CDH13: variants seen among roughly 807,000 people sequenced by gnomAD.
The protein encoded by CDH13 is cadherin 13.
Under a neutral mutation model 63.8 loss-of-function variants are expected in CDH13, and 24 were observed. The ratio of observed to expected loss-of-function variants is 0.38; its 90% CI spans 0.27 to 0.53. The LOEUF (loss-of-function observed/expected upper bound fraction) is 0.53, where lower values mean the gene tolerates loss of function less well. Among genes scored for constraint, CDH13 ranks in the 20% least tolerant of loss-of-function variants. The pLI is 0.85. For missense variants in CDH13, 1,049 were observed against 903.1 expected (o/e 1.16, Z -2.07); for synonymous variants, 503 against 355.3 (o/e 1.42, Z -4.67).
chr16:83,013,221 A>T (rs1264786795), intron 2 of CDH13, among the ~76,000 whole-genome samples: 1 of 152,252 alleles, frequency 6.6e-6, no homozygotes, highest in African/African-American at 2.4e-5. Context: ...AGCCATATAC[A>T]TGTAGGTGAA....
chr16:83,710,486 C>G (rs1183433161), intron 10 of CDH13: 1 of 152,104 alleles, frequency 6.6e-6, no homozygotes, highest in Non-Finnish European at 1.5e-5. Flanking sequence ...TTCTGCATTC[C>G]TCTTGGTGCC....
Position 83,095,493 on chromosome 16 carries a change from A to G in CDH13, c.367-29892A>G, listed in dbSNP as rs530605727. On this transcript the variant is annotated intron_variant, in intron 3 of 13. Coordinates refer to ENST00000567109, the MANE Select transcript of CDH13 (RefSeq NM_001257.5). ...TCACCCTGCTTTTGGACACTGGTAT[A>G]TCCTCTCAAAGGCATTAATAACTAT... Among the ~76,000 whole-genome samples, 13 of 152,344 alleles carry G rather than the reference A, an allele frequency of 8.5e-5. No homozygotes were observed. The South Asian group carries it at 1.0e-3, about 12-fold the overall frequency.
At position 83,268,120 on chromosome 16, in the gene CDH13, C is replaced by G. The variant is rs189562673; in HGVS notation, c.636+50623C>G. On this transcript the variant is annotated intron_variant, in intron 5 of 13. Coordinates refer to ENST00000567109, the MANE Select transcript of CDH13 (RefSeq NM_001257.5). ...TGCACCACTGACACATGGATATTAA[C>G]TCAGTGGTAGGACCAGAGTAAACCC... is the stretch of plus-strand genomic sequence containing the variant. Among the ~76,000 whole-genome samples, 110 of 152,270 alleles carry G rather than the reference C, an allele frequency of 7.2e-4. 1 individual carries two copies. Among genetic ancestry groups the G allele is most frequent in the Non-Finnish European group, 1.2e-3 (84 of 68,012 alleles).
rs139651807 is a variant in CDH13 at position 82,896,160 on chromosome 16, T to G, written c.157+37687T>G. The stretch of plus-strand genomic sequence containing the variant: ...TTTCCCTGTAGAAGTATAGGCTTCA[T>G]GGTGAGCAATAGCCTTATTTTCCTT... On this transcript the variant is annotated intron_variant, in intron 2 of 13. Coordinates refer to ENST00000567109, the MANE Select transcript of CDH13 (RefSeq NM_001257.5). Among the ~76,000 whole-genome samples, 3 of 152,258 alleles carry G rather than the reference T, an allele frequency of 2.0e-5. No individual in the cohort carries two copies. In the East Asian group the frequency reaches 5.8e-4, roughly 29 times the overall value.
intron 1 of CDH13, among the ~76,000 whole-genome samples, chr16:82,800,963 A>T (rs1472299993): frequency 6.6e-6 from 1 of 152,152 alleles, no homozygotes; most frequent in African/African-American, 2.4e-5. Flanking sequence ...AACAAGGAGA[A>T]AAAAAGGGAA....
chr16:83,564,767 A>G (rs1373254559), intron 7 of CDH13, among the ~76,000 whole-genome samples: 1 of 152,204 alleles, frequency 6.6e-6, no homozygotes, highest in Non-Finnish European at 1.5e-5. Flanking sequence ...ACATTCAGGG[A>G]TCAGGGATAG....
Position 82,785,490 on chromosome 16 carries a change from G to A in CDH13, c.46-72872G>A, listed in dbSNP as rs145035874. ...TAATAGAGCAGCACACCTGATGTCCGCAGCAGGCAGTTCTAATGCCGGTGG... is the reference window on the plus strand; with the variant it reads ...TAATAGAGCAGCACACCTGATGTCCACAGCAGGCAGTTCTAATGCCGGTGG... On this transcript the variant is annotated intron_variant, in intron 1 of 13. Coordinates refer to ENST00000567109, the MANE Select transcript of CDH13 (RefSeq NM_001257.5). Among the ~76,000 whole-genome samples the A allele has an allele frequency of 7.1e-4, 108 of 152,324 alleles. 1 individual carries two copies. The East Asian group carries it at 0.016, about 23-fold the overall frequency.
chr16:83,401,170 G>A (rs530353543), intron 6 of CDH13, among the ~76,000 whole-genome samples: 20 of 152,062 alleles, frequency 1.3e-4, no homozygotes, highest in East Asian at 1.2e-3. Context: ...GCCAAAGCCC[G>A]TCTCTACCAA....
chr16:82,887,867 C>T (rs562016321), intron 2 of CDH13, among the ~76,000 whole-genome samples: 3 of 151,242 alleles, frequency 2.0e-5, no homozygotes, highest in African/African-American at 7.3e-5. Context: ...TTTTTTTTTC[C>T]AGCAGGTGAA....
chr16:83,599,820 A>G (rs17687469), intron 7 of CDH13, among the ~76,000 whole-genome samples: 20,088 of 152,244 alleles, frequency 0.13, 1,728 homozygotes, highest in South Asian at 0.28. Flanking sequence ...AAAATAAGTA[A>G]CAATGTTTTA....
intron 3 of CDH13, among the ~76,000 whole-genome samples, chr16:83,105,229 G>A (rs2034706830): frequency 6.6e-6 from 1 of 152,184 alleles, no homozygotes; most frequent in Non-Finnish European, 1.5e-5. Context: ...TCTACCTGAG[G>A]AGCTGAGTTT....
chr16:83,338,391 A>T (rs1479483002), intron 5 of CDH13, among the ~76,000 whole-genome samples: 2 of 152,166 alleles, frequency 1.3e-5, no homozygotes, highest in African/African-American at 4.8e-5. Flanking sequence ...CAGTCTCTTA[A>T]AGAGGCATAG....
intron 1 of CDH13, among the ~76,000 whole-genome samples, chr16:82,720,743 G>C (rs2151021261): frequency 1.3e-5 from 2 of 152,120 alleles, no homozygotes; most frequent in Middle Eastern, 6.8e-3. Context: ...TATGATGTCT[G>C]GATGTATTTA....
intron 4 of CDH13, among the ~76,000 whole-genome samples, chr16:83,144,120 C>T (rs1214248186): frequency 2.0e-5 from 3 of 152,084 alleles, no homozygotes; most frequent in Non-Finnish European, 4.4e-5. Context: ...CATACTTGAC[C>T]CACAGCTAGT....
chr16:83,074,402 T>C (rs554651014), intron 3 of CDH13, among the ~76,000 whole-genome samples: 2 of 152,348 alleles, frequency 1.3e-5, no homozygotes, highest in Non-Finnish European at 2.9e-5. Flanking sequence ...TATCCACTGA[T>C]GGGCACAAGG....
chr16:83,139,175 C>T (rs1020655133), intron 4 of CDH13, among the ~76,000 whole-genome samples: 13 of 151,998 alleles, frequency 8.6e-5, no homozygotes, highest in Admixed American at 2.6e-4. Context: ...TGGAGGTGGG[C>T]GAACAGGTTA....
At chr16:83,464,413 G>A (rs2073257875) in intron 6 of CDH13, among the ~76,000 whole-genome samples, 1 of 152,216 alleles carries the variant, frequency 6.6e-6, no homozygotes, top group African/African-American at 2.4e-5. Context: ...TAAGGAGGCT[G>A]AAGCAGGAGA....
chr16:82,746,224 A>T (rs535525388), intron 1 of CDH13, among the ~76,000 whole-genome samples: 2 of 86,136 alleles, frequency 2.3e-5, no homozygotes, highest in African/African-American at 6.4e-5. Flanking sequence ...GTTTATATAT[A>T]TGTGTTTATA....
chr16:83,568,651 T>C (rs1904313145), intron 7 of CDH13, among the ~76,000 whole-genome samples: 1 of 152,156 alleles, frequency 6.6e-6, no homozygotes, highest in African/African-American at 2.4e-5. Flanking sequence ...TCCTTGCTGG[T>C]AGATGGGAAG....
Sources: allele counts gnomAD v4.1 joint callset (sites outside exome capture counted in the v4.1 genomes callset), GRCh38; gene constraint gnomAD v4.1.1; transcripts MANE v1.5; gene names NCBI Gene and HGNC (gene_info 2026-07-23, HGNC 2026-07-21).